Variants in TRHDE observed in about 807,000 individuals in gnomAD.
The protein encoded by TRHDE is thyrotropin releasing hormone degrading enzyme, also known as thyrotropin-releasing hormone-degrading ectoenzyme.
In TRHDE, 72 loss-of-function variants were observed where a neutral mutation model predicts 125.7. The observed-to-expected ratio is 0.57, with a 90% confidence interval of 0.47 to 0.70. TRHDE has a LOEUF of 0.70. TRHDE is among the 30% of genes least tolerant of loss of function. The pLI, the probability that TRHDE is intolerant of heterozygous loss-of-function variation, is 0.00. For synonymous variants in TRHDE, 509 were observed against 509.1 expected, an observed-to-expected ratio of 1.00 and a Z score of 0.00; for missense variants, 1,110 against 1,327.1, an observed-to-expected ratio of 0.84 and a Z score of 2.54.
chr12:72,104,853 A>G (rs187505369), intron 1 of TRHDE, among the ~76,000 whole-genome samples: 4 of 152,324 alleles, frequency 2.6e-5, no homozygotes, highest in Admixed American at 6.5e-5. Context: ...CTTCAGGGAC[A>G]TTTTGAACCA....
Position 72,668,074 on chromosome 12 carries a change from A to G in TRHDE, c.*4879A>G, listed in dbSNP as rs1875164518. On this transcript the variant is annotated 3_prime_UTR_variant, in exon 19 of 19. Coordinates refer to ENST00000261180, the MANE Select transcript of TRHDE (RefSeq NM_013381.3). ...AACTTATGAAAAAATGTTCTTGTAA[A>G]TTATTCTAGAATCCCAAATTTTAAT... is the stretch of plus-strand genomic sequence containing the variant. 6.6e-6 allele frequency: 1 copy of G among 151,686 alleles called. No homozygotes were observed. Among genetic ancestry groups the G allele is most frequent in the Admixed American group, 6.6e-5 (1 of 15,176 alleles). The allele number at this position is 151,686 out of a possible 1,614,324, so 9.4% of individuals were successfully genotyped here.
intron 5 of TRHDE, among the ~76,000 whole-genome samples, chr12:72,478,149 A>G (rs1876986193): frequency 6.6e-6 from 1 of 152,148 alleles, no homozygotes; most frequent in South Asian, 2.1e-4. Flanking sequence ...AGGTGATCCA[A>G]ATGTTTTAAT....
chr12:72,165,347 A>G (rs1034481889), intron 2 of TRHDE, among the ~76,000 whole-genome samples: 2 of 152,198 alleles, frequency 1.3e-5, no homozygotes, highest in Admixed American at 6.5e-5. Flanking sequence ...CCCATTGCTG[A>G]TAATAAGTTA....
chr12:72,182,904 C>T (rs1180726855), intron 2 of TRHDE, among the ~76,000 whole-genome samples: 1 of 152,122 alleles, frequency 6.6e-6, no homozygotes, highest in Non-Finnish European at 1.5e-5. Flanking sequence ...CTTATTTTCT[C>T]CATATTGTCT....
intron 2 of TRHDE, among the ~76,000 whole-genome samples, chr12:72,232,065 G>T (rs1213085029): frequency 1.3e-5 from 2 of 152,068 alleles, no homozygotes; most frequent in South Asian, 2.1e-4. Context: ...CAGGTATGGC[G>T]GGGCCAAGAG....
At chr12:72,254,898 A>G (rs1043308416) in intron 2 of TRHDE, 1 of 152,192 alleles carries the variant, frequency 6.6e-6, no homozygotes, top group Non-Finnish European at 1.5e-5. Flanking sequence ...CCATCCAAAA[A>G]TGATGTCCCA....
intron 3 of TRHDE, among the ~76,000 whole-genome samples, chr12:72,441,429 GC>G (rs1413237192): frequency 6.6e-6 from 1 of 151,808 alleles, no homozygotes; most frequent in Non-Finnish European, 1.5e-5. Context: ...TTCTCTGAAA[GC>G]CTTCAGTGAG....
At chr12:72,411,079 T>C (rs182553837) in intron 3 of TRHDE, among the ~76,000 whole-genome samples, 2,012 of 151,886 alleles carry the variant, frequency 0.013, 121 homozygotes, top group Admixed American at 0.1. Context: ...GGCAGGCACC[T>C]GTAGTCCCAG....
intron 2 of TRHDE, among the ~76,000 whole-genome samples, chr12:72,220,037 G>A (rs941545047): frequency 5.9e-5 from 9 of 152,120 alleles, no homozygotes; most frequent in African/African-American, 2.2e-4. Flanking sequence ...ATAAAAAGTG[G>A]GATGTGAAAA....
intron 2 of TRHDE, among the ~76,000 whole-genome samples, chr12:72,328,569 C>A (rs984469259): frequency 6.6e-6 from 1 of 151,922 alleles, no homozygotes; most frequent in African/African-American, 2.4e-5. Flanking sequence ...TGGGGGCATA[C>A]GTATCATCTT....
chr12:72,135,071 T>C (rs1301603948), intron 2 of TRHDE, among the ~76,000 whole-genome samples: 1 of 151,456 alleles, frequency 6.6e-6, no homozygotes, highest in Non-Finnish European at 1.5e-5. Flanking sequence ...GATGTGAGCA[T>C]GAATGTAAAA....
intron 2 of TRHDE, among the ~76,000 whole-genome samples, chr12:72,114,255 C>T (rs1290785790): frequency 6.6e-6 from 1 of 151,874 alleles, no homozygotes; most frequent in Non-Finnish European, 1.5e-5. Flanking sequence ...TTCGAAAATA[C>T]AGCTGATCCT....
chr12:72,344,476 A>G (rs1870223407), intron 2 of TRHDE, among the ~76,000 whole-genome samples: 1 of 152,130 alleles, frequency 6.6e-6, no homozygotes, highest in African/African-American at 2.4e-5. Context: ...CATAGCTAAT[A>G]GATAATGGAC....
intron 2 of TRHDE, among the ~76,000 whole-genome samples, chr12:72,122,368 A>G (rs748038173): frequency 2.0e-5 from 3 of 152,212 alleles, no homozygotes; most frequent in Admixed American, 1.3e-4. Context: ...TTAATTGATT[A>G]GTTGTGACAT....
Position 72,272,429 on chromosome 12 carries a change from C to T in TRHDE, c.-215C>T. The T allele has an allele frequency of 2.2e-6, 1 of 463,038 alleles. No individual in the cohort carries two copies. The highest frequency in any genetic ancestry group is 4.0e-6 in the Non-Finnish European group (1 of 250,552). 28.7% of individuals were successfully genotyped at this position (463,038 alleles called of 1,614,324 possible). Reference sequence around the variant, plus strand: ...TCCAAGTTGGGCGCGTCCCAGAGCTCACAGCCCGGTGTCCAGAGTGAGGCG... The same window carrying T: ...TCCAAGTTGGGCGCGTCCCAGAGCTTACAGCCCGGTGTCCAGAGTGAGGCG... On this transcript the variant is annotated 5_prime_UTR_variant, in exon 1 of 19. Transcript: ENST00000261180. This position sits in a 1 kb window ranked among gnomAD's most constrained non-coding sequence, Gnocchi z 6.7.
chr12:72,575,328 A>G lies in TRHDE; in HGVS notation c.2205A>G (p.Arg735=), dbSNP rs1463506858. The G allele has an allele frequency of 5.6e-6, 9 of 1,613,538 alleles. No homozygotes were observed. The highest frequency in any genetic ancestry group is 7.6e-6 in the Non-Finnish European group (9 of 1,179,722). The change falls in exon 11 of 19, where the codon AGA becomes AGG. Residue 735 remains arginine (R), a synonymous_variant. Transcript: ENST00000261180. The part of the protein sequence containing the change: ...LGNINQTGYF[R]VNYDLRNWRL... ...ACATCAATCAAACTGGCTATTTTAG[A>G]GTCAACTATGACCTAAGGAACTGGA...
intron 2 of TRHDE, among the ~76,000 whole-genome samples, chr12:72,108,401 A>G (rs1335739452): frequency 6.6e-6 from 1 of 152,144 alleles, no homozygotes; most frequent in Admixed American, 6.6e-5. Context: ...TTGACAGAAT[A>G]GTTATAATAT....
intron 2 of TRHDE, among the ~76,000 whole-genome samples, chr12:72,311,951 G>A (rs1008999595): frequency 5.9e-5 from 9 of 151,810 alleles, no homozygotes; most frequent in African/African-American, 9.7e-5. Context: ...AGACTATTAC[G>A]TAAATTTCAA....
intron 2 of TRHDE, among the ~76,000 whole-genome samples, chr12:72,369,243 C>T (rs1871467165): frequency 6.6e-6 from 1 of 152,102 alleles, no homozygotes; most frequent in African/African-American, 2.4e-5. Flanking sequence ...ATTTGTAGTC[C>T]TCCACCTTAG....
Sources: allele counts gnomAD v4.1 joint callset (sites outside exome capture counted in the v4.1 genomes callset), GRCh38; gene constraint gnomAD v4.1.1; non-coding constraint Gnocchi (gnomAD v3.1); transcripts MANE v1.5; gene names NCBI Gene and HGNC (gene_info 2026-07-23, HGNC 2026-07-21).